Variants in IQCE observed in about 807,000 individuals in gnomAD.
IQCE encodes IQ domain-containing protein E.
In IQCE, 115 loss-of-function variants were observed where a neutral mutation model predicts 96.0. That is an observed-to-expected ratio of 1.20 (90% confidence interval 1.03 to 1.40). The LOEUF (loss-of-function observed/expected upper bound fraction) is 1.40. Among genes scored for constraint, IQCE ranks in the 40% most tolerant of loss-of-function variants. The pLI, the probability that IQCE is intolerant of heterozygous loss-of-function variation, is 0.00. For missense variants in IQCE, 1,041 were observed against 909.1 expected (o/e 1.15, Z -1.87); for synonymous variants, 412 against 371.2 (o/e 1.11, Z -1.26).
chr7:2,586,506 A>G, intron 12 of IQCE, 135 bp downstream of exon 12: 1 of 964,194 alleles, frequency 1.0e-6, no homozygotes, highest in Non-Finnish European at 1.5e-6. Context: ...GCCAGTTCCC[A>G]CATGTGCCAG....
intron 2 of IQCE, among the ~76,000 whole-genome samples, chr7:2,568,531 C>T (rs917498970): frequency 1.5e-4 from 23 of 152,176 alleles, no homozygotes; most frequent in Admixed American, 2.0e-4. Flanking sequence ...TCCCTTTGCT[C>T]GGCTTTCTTC....
Position 2,605,883 on chromosome 7 carries a change from C to T in IQCE, c.1751C>T (p.Pro584Leu). The change falls in exon 20 of 22, where the codon CCT becomes CTT. Residue 584 changes from proline (P) to leucine (L), a missense_variant. Coordinates refer to ENST00000402050, the MANE Select transcript of IQCE (RefSeq NM_152558.5). ...GCTGTCCTTGCACCCCAGAGCTCTC[C>T]TGTGCCCCGCGTTCCGAGCCCCATC... ...SVPGLPDQSSPVPRVPSPIAQ... is the reference protein window; with the variant it reads ...SVPGLPDQSSLVPRVPSPIAQ... The T allele has an allele frequency of 2.5e-6, 4 of 1,603,238 alleles. No homozygotes were observed. The highest frequency in any genetic ancestry group is 3.4e-6 in the Non-Finnish European group (4 of 1,176,016).
chr7:2,579,873 T>C (rs1009195463), intron 8 of IQCE, among the ~76,000 whole-genome samples: 1 of 148,764 alleles, frequency 6.7e-6, no homozygotes, highest in Non-Finnish European at 1.5e-5. Context: ...CACCTCAACC[T>C]CCTGAGTACC....
chr7:2,607,412 G>A (rs1003431994), intron 21 of IQCE, 185 bp downstream of exon 21: 1 of 1,361,232 alleles, frequency 7.3e-7, no homozygotes, highest in Admixed American at 3.6e-5. Flanking sequence ...CCCCGCCTTG[G>A]CCCAGCTTGT....
chr7:2,566,116 C>G (rs1013711756), intron 1 of IQCE, among the ~76,000 whole-genome samples: 2 of 152,172 alleles, frequency 1.3e-5, no homozygotes, highest in African/African-American at 2.4e-5. Context: ...CACCTCCACC[C>G]CAAGCTGTAG....
At chr7:2,594,677 A>G (rs1053915057) in intron 15 of IQCE, among the ~76,000 whole-genome samples, 24 of 152,374 alleles carry the variant, frequency 1.6e-4, no homozygotes, top group Admixed American at 1.1e-3. Flanking sequence ...AGCAGGAGAC[A>G]ACAGGAAGTC....
chr7:2,605,274 T>TG (rs1247167738), intron 19 of IQCE, among the ~76,000 whole-genome samples: 1 of 152,210 alleles, frequency 6.6e-6, no homozygotes, highest in African/African-American at 2.4e-5. Flanking sequence ...TAAAGACAGA[T>TG]GCAGGCCATT....
chr7:2,577,410 C>T (rs1338363107), intron 6 of IQCE, among the ~76,000 whole-genome samples: 3 of 120,796 alleles, frequency 2.5e-5, no homozygotes, highest in Admixed American at 8.7e-5. Flanking sequence ...GCTGTGCGCG[C>T]GGGGACGTGT....
Position 2,598,648 on chromosome 7 carries a change from GC to G in IQCE, c.1608+17del. ...CAAGCACAAGGTGAGGCTCCCCGGGGCGACCCGGGCTGCTCCCTGTGAGTCT... is the reference window on the plus strand; with the variant it reads ...CAAGCACAAGGTGAGGCTCCCCGGGGGACCCGGGCTGCTCCCTGTGAGTCT... On this transcript the variant is annotated intron_variant, in intron 17 of 21. Transcript: ENST00000402050. 1 of 1,503,114 alleles carries G rather than the reference GC, an allele frequency of 6.7e-7. No individual in the cohort carries two copies. Among genetic ancestry groups the G allele is most frequent in the Non-Finnish European group, 8.9e-7 (1 of 1,125,152 alleles). The allele number at this position is 1,503,114 out of a possible 1,614,324, so 93.1% of individuals were successfully genotyped here. A position where few individuals can be genotyped will look rare whatever the true frequency, so the allele number is the denominator to read the frequency against.
chr7:2,594,791 G>A (rs1783892933), intron 15 of IQCE, 95 bp from the exon 16 acceptor site: 1 of 857,882 alleles, frequency 1.2e-6, no homozygotes, highest in African/African-American at 1.7e-5. Context: ...GTGTCCCCCT[G>A]TCTCCGCCTG....
Position 2,603,665 on chromosome 7 carries a change from G to A in IQCE, c.1633-1216G>A, listed in dbSNP as rs1237281605. 4.6e-5 allele frequency among the ~76,000 whole-genome samples: 7 copies of A among 152,168 alleles called. No homozygotes were observed. The East Asian group carries it at 1.2e-3, about 25-fold the overall frequency. On this transcript the variant is annotated intron_variant, in intron 18 of 21. Coordinates refer to ENST00000402050, the MANE Select transcript of IQCE (RefSeq NM_152558.5). The stretch of plus-strand genomic sequence containing the variant: ...TCCCGTACCTGGCAGCCACTTTACC[G>A]GAAGCTTCTGGGCAGCCTCCACATG...
intron 12 of IQCE, among the ~76,000 whole-genome samples, chr7:2,587,241 A>G (rs1783194876): frequency 6.7e-6 from 1 of 149,962 alleles, no homozygotes. Flanking sequence ...AGGCCACGGG[A>G]GGTCTGAGTG....
intron 14 of IQCE, among the ~76,000 whole-genome samples, chr7:2,592,215 C>G (rs918883523): frequency 3.3e-5 from 5 of 152,252 alleles, no homozygotes; most frequent in African/African-American, 1.2e-4. Flanking sequence ...TTACCCCTCA[C>G]GTGAGGTCTC....
At chr7:2,592,927 A>G in intron 14 of IQCE, 95 bp from the exon 15 acceptor site, 1 of 1,353,040 alleles carries the variant, frequency 7.4e-7, no homozygotes, top group Non-Finnish European at 1.0e-6. Flanking sequence ...GTCCTAAGGA[A>G]GGGCTGAGCA....
At chr7:2,575,708 G>A (rs1307613854) in intron 6 of IQCE, among the ~76,000 whole-genome samples, 1 of 152,204 alleles carries the variant, frequency 6.6e-6, no homozygotes, top group Non-Finnish European at 1.5e-5. Flanking sequence ...CCTGACCTCT[G>A]GCTGGAGAGA....
At position 2,612,522 on chromosome 7, in the gene IQCE, T is replaced by G. The variant is rs1583534437; in HGVS notation, c.*2360T>G. The G allele has an allele frequency of 3.6e-5, 5 of 140,410 alleles. No individual in the cohort carries two copies. The Admixed American group carries it at 3.6e-4, about 10-fold the overall frequency. 8.7% of individuals were successfully genotyped at this position (140,410 alleles called of 1,614,324 possible). A position where few individuals can be genotyped will look rare whatever the true frequency, so the allele number is the denominator to read the frequency against. On this transcript the variant is annotated 3_prime_UTR_variant, in exon 22 of 22. Transcript: ENST00000402050. ...TAGGCAGGAGGGGAAGAGAAGCCCATGGAGCCATGGGAGGGGTGAGCTGTG... is the reference window on the plus strand; with the variant it reads ...TAGGCAGGAGGGGAAGAGAAGCCCAGGGAGCCATGGGAGGGGTGAGCTGTG...
At chr7:2,572,137 C>T in intron 4 of IQCE, 55 bp from the exon 5 acceptor site, 2 of 1,542,566 alleles carry the variant, frequency 1.3e-6, no homozygotes, top group East Asian at 4.5e-5. Flanking sequence ...GAAACAAAAC[C>T]TCCCATTGTG....
At chr7:2,571,461 A>G in intron 3 of IQCE, 65 bp from the exon 4 acceptor site, 1 of 1,587,392 alleles carries the variant, frequency 6.3e-7, no homozygotes, top group South Asian at 1.1e-5. Context: ...GTCTTTCTGA[A>G]GTTCATGTGT....
intron 8 of IQCE, among the ~76,000 whole-genome samples, chr7:2,579,328 A>G (rs1336363178): frequency 6.6e-6 from 1 of 152,192 alleles, no homozygotes; most frequent in Non-Finnish European, 1.5e-5. Flanking sequence ...CAAAGAATAA[A>G]ATAACATTAA....
Sources: allele counts gnomAD v4.1 joint callset (sites outside exome capture counted in the v4.1 genomes callset), GRCh38; gene constraint gnomAD v4.1.1; transcripts MANE v1.5; gene names NCBI Gene and HGNC (gene_info 2026-07-23, HGNC 2026-07-21).